Variants in LRRC7 observed in about 807,000 individuals in gnomAD.
LRRC7 encodes leucine rich repeat containing 7, also known as leucine-rich repeat-containing protein 7.
LRRC7 carries 23 observed loss-of-function variants against 175.7 expected under a neutral mutation model. That is an observed-to-expected ratio of 0.13 (90% confidence interval 0.09 to 0.19). The LOEUF is 0.19. LRRC7 is among the 10% of genes least tolerant of loss of function. The probability of loss-of-function intolerance (pLI) is 1.00; values close to 1 mark genes in which losing one functional copy is unlikely to be tolerated. For synonymous variants in LRRC7, 685 were observed against 680.9 expected, an observed-to-expected ratio of 1.01 and a Z score of -0.09; for missense variants, 1,354 against 1,904.7, an observed-to-expected ratio of 0.71 and a Z score of 5.38.
intron 7 of LRRC7, among the ~76,000 whole-genome samples, chr1:69,862,045 C>A (rs1306854772): frequency 6.6e-6 from 1 of 152,160 alleles, no homozygotes; most frequent in Non-Finnish European, 1.5e-5. Context: ...GGTAGCAGGG[C>A]AGTCTCTGGC....
chr1:70,038,627 CATG>C lies in LRRC7; in HGVS notation c.2806_2808del (p.Asp936del), dbSNP rs765743589. 3 of 1,614,100 alleles carry C rather than the reference CATG, an allele frequency of 1.9e-6. No individual in the cohort carries two copies. In the East Asian group the frequency reaches 6.7e-5, roughly 36 times the overall value. ...TTCTCCAGGCGTACCATGGGAGTAT[CATG>C]ATTCCAATCCCAACAGGAGTCTTAG... On this transcript the variant is annotated inframe_deletion, in exon 21 of 27. Transcript: ENST00000651989.
At chr1:70,014,379 A>G (rs1656791666) in intron 13 of LRRC7, among the ~76,000 whole-genome samples, 1 of 151,988 alleles carries the variant, frequency 6.6e-6, no homozygotes. Flanking sequence ...ACTTGAGTTC[A>G]CCTACAATGA....
At position 69,626,804 on chromosome 1, in the gene LRRC7, T is replaced by C. The variant is rs569895734; in HGVS notation, c.3-51577T>C. Reference sequence around the variant, plus strand: ...TGTTCTCATTGTTCAATTCCCACTTTTGAGTGAGAACATGCGGTGTTTTGT... The same window carrying C: ...TGTTCTCATTGTTCAATTCCCACTTCTGAGTGAGAACATGCGGTGTTTTGT... On this transcript the variant is annotated intron_variant, in intron 1 of 26. Coordinates refer to ENST00000651989, the MANE Select transcript of LRRC7 (RefSeq NM_001370785.2). 2.3e-4 allele frequency among the ~76,000 whole-genome samples: 34 copies of C among 150,152 alleles called. No homozygotes were observed. In the South Asian group the frequency reaches 6.6e-3, roughly 29 times the overall value.
At chr1:70,096,234 C>T (rs1016931823) in intron 25 of LRRC7, among the ~76,000 whole-genome samples, 1 of 152,198 alleles carries the variant, frequency 6.6e-6, no homozygotes, top group African/African-American at 2.4e-5. Context: ...GCCGCGGCCT[C>T]CCAAAGTGCT....
At chr1:69,679,316 G>A (rs527939942) in intron 2 of LRRC7, among the ~76,000 whole-genome samples, 25 of 152,104 alleles carry the variant, frequency 1.6e-4, no homozygotes, top group African/African-American at 6.0e-4. Flanking sequence ...CTAATGTAGT[G>A]GGTTCACTGA....
chr1:69,727,397 A>G (rs912613461), intron 2 of LRRC7, among the ~76,000 whole-genome samples: 4 of 152,176 alleles, frequency 2.6e-5, no homozygotes, highest in Non-Finnish European at 5.9e-5. Context: ...TTTCCCCGCC[A>G]TCATCTTTTT....
Position 69,770,824 on chromosome 1 carries a change from G to A in LRRC7, c.303+10431G>A, listed in dbSNP as rs181026080. On this transcript the variant is annotated intron_variant, in intron 3 of 26. Transcript: ENST00000651989. ...ATGGAGGGCTCTCCTTAGATCCTGGGTTTGAATAAAGGTCTAAAAAATGAC... is the reference window on the plus strand; with the variant it reads ...ATGGAGGGCTCTCCTTAGATCCTGGATTTGAATAAAGGTCTAAAAAATGAC... 7.0e-4 allele frequency among the ~76,000 whole-genome samples: 106 copies of A among 152,180 alleles called. 1 individual carries two copies. The highest frequency in any genetic ancestry group is 3.4e-3 in the Middle Eastern group (1 of 294).
intron 7 of LRRC7, among the ~76,000 whole-genome samples, chr1:69,909,780 T>A (rs1332181579): frequency 6.6e-6 from 1 of 152,152 alleles, no homozygotes; most frequent in African/African-American, 2.4e-5. Context: ...AGTATCTTTG[T>A]GGTGTTCTCT....
intron 2 of LRRC7, among the ~76,000 whole-genome samples, chr1:69,688,956 T>G (rs930633131): frequency 8.5e-5 from 13 of 152,182 alleles, no homozygotes; most frequent in Non-Finnish European, 8.8e-5. Context: ...CCAAAATATT[T>G]TATGGTTGTG....
chr1:70,119,905 A>C (rs1666104127), intron 26 of LRRC7, among the ~76,000 whole-genome samples: 1 of 152,132 alleles, frequency 6.6e-6, no homozygotes, highest in Non-Finnish European at 1.5e-5. Flanking sequence ...ATTAAAGTTC[A>C]ATTTTAATTT....
In LRRC7 at chr1:70,128,162, G is replaced by A. The variant is rs903886252; in HGVS notation, c.*6275G>A. Among the ~76,000 whole-genome samples the A allele has an allele frequency of 7.2e-5, 11 of 151,996 alleles. No homozygotes were observed. The highest frequency in any genetic ancestry group is 3.2e-3 in the Middle Eastern group (1 of 316). On this transcript the variant is annotated 3_prime_UTR_variant, in exon 27 of 27. Coordinates refer to ENST00000651989, the MANE Select transcript of LRRC7 (RefSeq NM_001370785.2). ...TTTTTAGTAGGGACAGGGTTTCACC[G>A]TGTTGGCCAGGCTGGTCTCGAACAC...
At chr1:69,775,377 G>A (rs1318508148) in intron 3 of LRRC7, among the ~76,000 whole-genome samples, 1 of 152,062 alleles carries the variant, frequency 6.6e-6, no homozygotes, top group East Asian at 1.9e-4. Flanking sequence ...TTATACTCTA[G>A]AGAATTAATC....
chr1:69,999,290 TA>T (rs962090737), intron 11 of LRRC7, among the ~76,000 whole-genome samples: 3 of 152,178 alleles, frequency 2.0e-5, no homozygotes, highest in African/African-American at 7.2e-5. Flanking sequence ...ACAAAAGGCT[TA>T]TTCCAGAAAA....
intron 19 of LRRC7, 28 bp from the exon 20 acceptor site, chr1:70,036,416 T>G (rs1369711320): frequency 6.3e-7 from 1 of 1,586,408 alleles, no homozygotes; most frequent in East Asian, 2.2e-5. Flanking sequence ...TGTCATAGCA[T>G]TATAACATTT....
intron 1 of LRRC7, among the ~76,000 whole-genome samples, chr1:69,573,153 C>T (rs1645806485): frequency 6.6e-6 from 1 of 152,138 alleles, no homozygotes; most frequent in South Asian, 2.1e-4. Context: ...ATGATTCTCA[C>T]TGTTTTGAAG....
At chr1:69,631,107 A>G (rs1652424902) in intron 1 of LRRC7, among the ~76,000 whole-genome samples, 1 of 152,074 alleles carries the variant, frequency 6.6e-6, no homozygotes, top group Admixed American at 6.6e-5. Flanking sequence ...ATGTGTACAG[A>G]TCAAATCAGG....
chr1:69,919,804 G>C (rs1177351049), intron 7 of LRRC7: 1 of 807,204 alleles, frequency 1.2e-6, no homozygotes, highest in Middle Eastern at 2.3e-4. Flanking sequence ...CAGTGTTCAC[G>C]GATTCCGGCA....
At chr1:69,800,881 GA>G (rs1291121346) in intron 4 of LRRC7, among the ~76,000 whole-genome samples, 1 of 151,694 alleles carries the variant, frequency 6.6e-6, no homozygotes, top group African/African-American at 2.4e-5. Context: ...TGTAGTATAT[GA>G]TCTTTATTTT....
chr1:69,792,969 G>T (rs1372486531), intron 4 of LRRC7, among the ~76,000 whole-genome samples: 1 of 152,030 alleles, frequency 6.6e-6, no homozygotes, highest in East Asian at 1.9e-4. Context: ...AGTCAAAAAG[G>T]GTTATGTCTA....
Sources: allele counts gnomAD v4.1 joint callset (sites outside exome capture counted in the v4.1 genomes callset), GRCh38; gene constraint gnomAD v4.1.1; transcripts MANE v1.5; gene names NCBI Gene and HGNC (gene_info 2026-07-23, HGNC 2026-07-21).